The following PRKG1 variants were observed in gnomAD, a reference collection of about 807,000 sequenced individuals.
The protein encoded by PRKG1 is protein kinase cGMP-dependent 1.
Under a neutral mutation model 88.1 loss-of-function variants are expected in PRKG1, and 35 were observed. The observed-to-expected ratio is 0.40, with a 90% CI of 0.30 to 0.53. The LOEUF is 0.53. PRKG1 is among the 20% of genes least tolerant of loss of function. The pLI, the probability that PRKG1 is intolerant of heterozygous loss-of-function variation, is 0.59. For missense variants in PRKG1, 540 were observed against 839.8 expected, an observed-to-expected ratio of 0.64 and a Z score of 4.41; for synonymous variants, 303 against 292.5, an observed-to-expected ratio of 1.04 and a Z score of -0.37.
At chr10:51,671,988 T>A (rs1463589525) in intron 3 of PRKG1, among the ~76,000 whole-genome samples, 1 of 152,208 alleles carries the variant, frequency 6.6e-6, no homozygotes, top group Non-Finnish European at 1.5e-5. Flanking sequence ...AGGACATAAA[T>A]TTTAAGGGAA....
chr10:51,896,931 A>T (rs1055046710), intron 4 of PRKG1, among the ~76,000 whole-genome samples: 6 of 152,172 alleles, frequency 3.9e-5, no homozygotes, highest in South Asian at 2.1e-4. Context: ...ATCTGGCAAG[A>T]TAATAGACAG....
At chr10:51,870,275 C>T (rs1189824737) in intron 4 of PRKG1, among the ~76,000 whole-genome samples, 1 of 152,084 alleles carries the variant, frequency 6.6e-6, no homozygotes, top group Non-Finnish European at 1.5e-5. Flanking sequence ...TTGATTTTTA[C>T]TAGATTTTCA....
At chr10:51,695,658 C>T (rs960355946) in intron 3 of PRKG1, 2 of 152,164 alleles carry the variant, frequency 1.3e-5, no homozygotes, top group African/African-American at 4.8e-5. Context: ...ATAACTATCA[C>T]ATATGTAAAC....
chr10:51,081,703 T>A (rs1039721251), intron 1 of PRKG1, among the ~76,000 whole-genome samples: 2 of 152,224 alleles, frequency 1.3e-5, no homozygotes, highest in Non-Finnish European at 2.9e-5. Flanking sequence ...ACTAACTCTG[T>A]GCCAGGCACT....
intron 1 of PRKG1, among the ~76,000 whole-genome samples, chr10:51,134,364 A>G (rs887101301): frequency 2.6e-5 from 4 of 152,136 alleles, no homozygotes; most frequent in Non-Finnish European, 5.9e-5. Context: ...TAGCTTTCTC[A>G]TTTTTAAAAT....
At chr10:51,930,413 A>G (rs1252239396) in intron 5 of PRKG1, among the ~76,000 whole-genome samples, 1 of 151,206 alleles carries the variant, frequency 6.6e-6, no homozygotes, top group Admixed American at 6.6e-5. Context: ...ATTTTACCAC[A>G]GTACAATTAA....
In PRKG1 at chr10:51,794,026, A is replaced by G. The variant is rs565630079; in HGVS notation, c.593-10559A>G. Among the ~76,000 whole-genome samples, 8 of 152,272 alleles carry G rather than the reference A, an allele frequency of 5.3e-5. No homozygotes were observed. In the East Asian group the frequency reaches 1.5e-3, roughly 29 times the overall value. ...TGATCTGCCCAGCTCAGTCTCTCAA[A>G]GTGCTAGGATTACAGGCATGAGCCA... On this transcript the variant is annotated intron_variant, in intron 3 of 17. Coordinates refer to ENST00000373980, the MANE Select transcript of PRKG1 (RefSeq NM_006258.4).
At chr10:51,066,235 T>G (rs1245466473) in intron 1 of PRKG1, among the ~76,000 whole-genome samples, 1 of 152,144 alleles carries the variant, frequency 6.6e-6, no homozygotes, top group Admixed American at 6.6e-5. Context: ...ATTGTAGTCC[T>G]TCCTTGAACA....
chr10:52,173,534 A>C (rs1276173761), intron 9 of PRKG1, among the ~76,000 whole-genome samples: 2 of 152,226 alleles, frequency 1.3e-5, no homozygotes, highest in South Asian at 4.1e-4. Flanking sequence ...ATAATATACT[A>C]TATGAATTTA....
intron 8 of PRKG1, among the ~76,000 whole-genome samples, chr10:52,156,125 C>T (rs2132676836): frequency 6.6e-6 from 1 of 151,970 alleles, no homozygotes; most frequent in South Asian, 2.1e-4. Flanking sequence ...TATTACAAAG[C>T]AAAGACACAG....
chr10:52,134,103 A>G (rs1448272860), intron 8 of PRKG1, among the ~76,000 whole-genome samples, 198 bp downstream of exon 8: 2 of 152,148 alleles, frequency 1.3e-5, no homozygotes, highest in Non-Finnish European at 1.5e-5. Flanking sequence ...GATCTTTAAC[A>G]AGGTACTTAA....
chr10:51,627,409 G>T (rs752002390), intron 3 of PRKG1, among the ~76,000 whole-genome samples: 4 of 152,082 alleles, frequency 2.6e-5, no homozygotes, highest in Non-Finnish European at 5.9e-5. Flanking sequence ...CATGCTTCAG[G>T]TTTCTTTAGT....
upstream of PRKG1, among the ~76,000 whole-genome samples, chr10:51,071,988 A>C (rs533059139): frequency 8.5e-5 from 13 of 152,270 alleles, 1 homozygote; most frequent in South Asian, 2.7e-3. Context: ...CACGAGATCA[A>C]GAGATCGAGA....
At chr10:52,034,793 A>G (rs1845562472) in intron 5 of PRKG1, among the ~76,000 whole-genome samples, 1 of 152,124 alleles carries the variant, frequency 6.6e-6, no homozygotes, top group Admixed American at 6.5e-5. Context: ...TTTGCGGCAC[A>G]GTGTAAGTTG....
chr10:52,260,033 T>C (rs1016599009), intron 10 of PRKG1, among the ~76,000 whole-genome samples: 1 of 152,036 alleles, frequency 6.6e-6, no homozygotes, highest in African/African-American at 2.4e-5. Context: ...TTTTGCCTTA[T>C]CATTGAAAGA....
intron 2 of PRKG1, among the ~76,000 whole-genome samples, chr10:51,231,736 A>G (rs1838851159): frequency 6.7e-6 from 1 of 150,364 alleles, no homozygotes. Context: ...TACCTACAAC[A>G]CTTCTAGATG....
intron 5 of PRKG1, among the ~76,000 whole-genome samples, chr10:52,005,194 TG>T (rs1188210728): frequency 1.3e-5 from 2 of 152,058 alleles, no homozygotes; most frequent in Non-Finnish European, 2.9e-5. Flanking sequence ...ATGTGGCATT[TG>T]TGACTTATAC....
chr10:51,606,579 C>CT (rs1838773063), intron 3 of PRKG1, among the ~76,000 whole-genome samples: 1 of 151,928 alleles, frequency 6.6e-6, no homozygotes, highest in Non-Finnish European at 1.5e-5. Context: ...AAATCAGAGG[C>CT]TAGGGGAGTC....
At chr10:51,454,874 T>C (rs1294397644) in intron 2 of PRKG1, among the ~76,000 whole-genome samples, 2 of 152,164 alleles carry the variant, frequency 1.3e-5, no homozygotes, top group African/African-American at 2.4e-5. Context: ...AACCACATCA[T>C]TGTGCACTTG....
Sources: gnomAD v4.1 joint callset for allele counts (sites outside exome capture counted in the v4.1 genomes callset) on GRCh38, gnomAD v4.1.1 for gene constraint, MANE v1.5 for transcripts, NCBI Gene and HGNC (gene_info 2026-07-23, HGNC 2026-07-21) for gene names.